SP100: variants seen among roughly 807,000 people sequenced by gnomAD.
The protein encoded by SP100 is nuclear autoantigen Sp-100.
Under a neutral mutation model 130.0 loss-of-function variants are expected in SP100, and 84 were observed. That is an observed-to-expected ratio of 0.65 (90% CI 0.54 to 0.77). The LOEUF is 0.77. Ranked by LOEUF, SP100 falls within the 30% of genes least tolerant of loss-of-function variation. SP100 has a pLI of 0.00. For synonymous variants in SP100, 331 were observed against 351.7 expected (o/e 0.94, Z 0.66); for missense variants, 978 against 1,052.2 (o/e 0.93, Z 0.97).
chr2:230,475,530 T>C (rs1559509119), intron 17 of SP100, among the ~76,000 whole-genome samples: 1 of 152,208 alleles, frequency 6.6e-6, no homozygotes, highest in Non-Finnish European at 1.5e-5. Flanking sequence ...GTACAGAAGC[T>C]ATTTAGTTTA....
intron 2 of SP100, among the ~76,000 whole-genome samples, chr2:230,432,137 A>G (rs777916150): frequency 3.3e-5 from 5 of 152,144 alleles, no homozygotes; most frequent in Non-Finnish European, 5.9e-5. Flanking sequence ...TGGACCATAT[A>G]TTATACGGTC....
chr2:230,463,371 G>A (rs965224219), intron 10 of SP100, among the ~76,000 whole-genome samples: 1 of 152,124 alleles, frequency 6.6e-6, no homozygotes, highest in African/African-American at 2.4e-5. Context: ...ACATAAGTAT[G>A]CAAATTGGTT....
At chr2:230,540,490 TTTCTGA>T (rs1692127975) in intron 25 of SP100, among the ~76,000 whole-genome samples, 1 of 152,284 alleles carries the variant, frequency 6.6e-6, no homozygotes, top group African/African-American at 2.4e-5. Context: ...AAGAACTTGT[TTTCTGA>T]TTTTTCTGTG....
chr2:230,501,806 A>C (rs1389967391), intron 19 of SP100, among the ~76,000 whole-genome samples: 1 of 152,192 alleles, frequency 6.6e-6, no homozygotes, highest in Non-Finnish European at 1.5e-5. Context: ...AGATCTAAAC[A>C]TACATCTGGA....
chr2:230,540,105 G>A (rs1692110109), intron 25 of SP100, among the ~76,000 whole-genome samples: 1 of 152,216 alleles, frequency 6.6e-6, no homozygotes, highest in Admixed American at 6.5e-5. Context: ...CCAATCTGCA[G>A]AGGCAGAAGA....
At chr2:230,505,883 T>C (rs533083425) in intron 21 of SP100, among the ~76,000 whole-genome samples, 118 of 152,334 alleles carry the variant, frequency 7.7e-4, no homozygotes, top group African/African-American at 2.8e-3. Context: ...ACATGGCCAC[T>C]TGGGGACCCA....
chr2:230,429,835 C>A (rs2063046459), intron 2 of SP100, among the ~76,000 whole-genome samples: 1 of 151,706 alleles, frequency 6.6e-6, no homozygotes, highest in Non-Finnish European at 1.5e-5. Flanking sequence ...TCCTTTTTGG[C>A]ATTATAATTT....
intron 17 of SP100, among the ~76,000 whole-genome samples, chr2:230,486,378 A>G (rs2066096167): frequency 1.3e-5 from 2 of 152,060 alleles, no homozygotes; most frequent in African/African-American, 4.8e-5. Context: ...CCCTGTGTCC[A>G]TGTGTTCTCA....
In SP100 at chr2:230,541,363, A is replaced by G; in HGVS notation, c.2394A>G (p.Glu798=). 6.2e-7 allele frequency: 1 copy of G among 1,613,658 alleles called. No individual in the cohort carries two copies. Among genetic ancestry groups the G allele is most frequent in the East Asian group, 2.2e-5 (1 of 44,888 alleles). Residue 798 remains glutamate (E), a synonymous_variant, in exon 27 of 29, where the codon GAA becomes GAG. Transcript: ENST00000340126. ...CGAAAAGCTGCTTTTTCGCCTCAGAACCGTATTATGTAAGTAACAGCCAAA... is the reference window on the plus strand; with the variant it reads ...CGAAAAGCTGCTTTTTCGCCTCAGAGCCGTATTATGTAAGTAACAGCCAAA... The part of the protein sequence containing the change: ...CDSKSCFFAS[E]PYYNREGSQG...
chr2:230,442,889 A>T (rs769656881), intron 2 of SP100, 48 bp from the exon 3 acceptor site: 21 of 1,537,284 alleles, frequency 1.4e-5, no homozygotes, highest in Non-Finnish European at 1.8e-5. Context: ...CTCCACAAAC[A>T]TCTCAGAATC....
intron 8 of SP100, among the ~76,000 whole-genome samples, chr2:230,454,284 T>C (rs2064158521): frequency 6.6e-6 from 1 of 152,126 alleles, no homozygotes; most frequent in Non-Finnish European, 1.5e-5. Flanking sequence ...TTTGAACTCA[T>C]TTATTTCTGA....
At chr2:230,514,348 G>T (rs1009148335) in intron 24 of SP100, among the ~76,000 whole-genome samples, 1 of 146,164 alleles carries the variant, frequency 6.8e-6, no homozygotes, top group Non-Finnish European at 1.5e-5. Context: ...GAGAATTTGT[G>T]TACAAGAATG....
chr2:230,469,964 A>G (rs1678162), intron 14 of SP100, 51 bp from the exon 15 acceptor site: 469,572 of 1,565,370 alleles, frequency 0.3, 75,141 homozygotes, highest in Middle Eastern at 0.36. Context: ...TTCCCTGCTG[A>G]TTCCTAAGAC....
chr2:230,428,722 G>A (rs572163937), intron 2 of SP100, among the ~76,000 whole-genome samples: 11 of 152,186 alleles, frequency 7.2e-5, no homozygotes, highest in South Asian at 6.2e-4. Flanking sequence ...GATTACAGGC[G>A]TGAGCCACCA....
chr2:230,533,739 A>G (rs1198797217), intron 24 of SP100, among the ~76,000 whole-genome samples: 1 of 152,212 alleles, frequency 6.6e-6, no homozygotes, highest in Admixed American at 6.5e-5. Flanking sequence ...AAATATTAAT[A>G]TCAAAAGCAC....
intron 17 of SP100, among the ~76,000 whole-genome samples, chr2:230,479,916 T>C (rs1019778291): frequency 6.6e-6 from 1 of 152,224 alleles, no homozygotes; most frequent in Non-Finnish European, 1.5e-5. Context: ...GATTTGGGCA[T>C]CTTGACCAAT....
At chr2:230,493,120 C>A (rs760823976) in intron 17 of SP100, among the ~76,000 whole-genome samples, 38 of 152,298 alleles carry the variant, frequency 2.5e-4, no homozygotes, top group Admixed American at 3.9e-4. Context: ...TATAATTCCA[C>A]AGACTTTTTT....
intron 21 of SP100, 25 bp downstream of exon 21, chr2:230,504,315 T>C: frequency 7.4e-7 from 1 of 1,342,872 alleles, no homozygotes; most frequent in South Asian, 1.2e-5. Flanking sequence ...CCATCTACGA[T>C]TTTCAGCTGG....
intron 24 of SP100, chr2:230,516,020 C>CAA (rs35666795): frequency 0.097 from 85,048 of 879,324 alleles, 1,301 homozygotes; most frequent in African/African-American, 0.2. Flanking sequence ...TCTGTAATTG[C>CAA]AAAAAAAAAA....
Sources: allele counts gnomAD v4.1 joint callset (sites outside exome capture counted in the v4.1 genomes callset), GRCh38; gene constraint gnomAD v4.1.1; transcripts MANE v1.5; gene names NCBI Gene and HGNC (gene_info 2026-07-23, HGNC 2026-07-21).